USP10: variants seen among roughly 807,000 people sequenced by gnomAD.
USP10 encodes the protein ubiquitin carboxyl-terminal hydrolase 10.
A neutral mutation model predicts 84.5 loss-of-function variants in USP10; 22 were observed. The ratio of observed to expected loss-of-function variants is 0.26; its 90% CI spans 0.19 to 0.37. The LOEUF (loss-of-function observed/expected upper bound fraction) is 0.37. Among genes scored for constraint, USP10 ranks in the 10% least tolerant of loss-of-function variants. The pLI is 1.00. For missense variants in USP10, 1,019 were observed against 998.9 expected (o/e 1.02, Z -0.27); for synonymous variants, 454 against 387.6 (o/e 1.17, Z -2.01).
intron 3 of USP10, among the ~76,000 whole-genome samples, chr16:84,744,163 G>C (rs963025749): frequency 6.6e-6 from 1 of 151,320 alleles, no homozygotes; most frequent in Non-Finnish European, 1.5e-5. Flanking sequence ...CGTAGTTCAT[G>C]TTTTTGGAAT....
At chr16:84,741,252 T>C (rs1322487144) in intron 3 of USP10, among the ~76,000 whole-genome samples, 1 of 152,234 alleles carries the variant, frequency 6.6e-6, no homozygotes, top group African/African-American at 2.4e-5. Context: ...TTTAGATTTA[T>C]AAGAAATGTG....
At chr16:84,701,005 C>A (rs1904797530) in intron 1 of USP10, among the ~76,000 whole-genome samples, 1 of 152,070 alleles carries the variant, frequency 6.6e-6, no homozygotes, top group African/African-American at 2.4e-5. Flanking sequence ...TTGTTGACAT[C>A]TGGTCCCTAT....
intron 4 of USP10, among the ~76,000 whole-genome samples, chr16:84,749,383 TCTAA>T (rs565832411): frequency 3.6e-4 from 55 of 152,306 alleles, no homozygotes; most frequent in East Asian, 7.7e-4. Context: ...TGCATTAGTA[TCTAA>T]CTGTTTCTAC....
Position 84,700,106 on chromosome 16 carries a change from C to G in USP10, c.16C>G (p.Pro6Ala). ...ACGGGCAGCCATGGCCCTCCACAGC[C>G]CGCAGGTAGCCGCCGGTCTGCGCCT... is the stretch of plus-strand genomic sequence containing the variant. MALHS[P>A]QYIFGDFSPD... Residue 6 changes from proline (P) to alanine (A), a missense_variant, in exon 1 of 14, where the codon CCG becomes GCG. By Grantham distance (27) the Pro-to-Ala change is conservative. This residue lies in a region of USP10 where 787 missense variants were observed against 708.8 expected (regional missense o/e 1.11). Coordinates refer to ENST00000219473, the MANE Select transcript of USP10 (RefSeq NM_005153.3). The G allele has an allele frequency of 3.0e-6, 4 of 1,353,010 alleles. No homozygotes were observed. The highest frequency in any genetic ancestry group is 3.9e-6 in the Non-Finnish European group (4 of 1,031,420). 83.8% of individuals were successfully genotyped at this position (1,353,010 alleles called of 1,614,324 possible).
At chr16:84,754,437 G>A (rs1431459377) in intron 4 of USP10, among the ~76,000 whole-genome samples, 2 of 152,178 alleles carry the variant, frequency 1.3e-5, no homozygotes, top group African/African-American at 4.8e-5. Flanking sequence ...TCAAAGGCTT[G>A]AAGGAAAGCT....
At chr16:84,746,086 A>G (rs1911191229) in intron 4 of USP10, among the ~76,000 whole-genome samples, 1 of 151,930 alleles carries the variant, frequency 6.6e-6, no homozygotes, top group African/African-American at 2.4e-5. Context: ...ATTTTGTGAA[A>G]TAACATGGTT....
intron 1 of USP10, among the ~76,000 whole-genome samples, chr16:84,703,422 T>G (rs1370201627): frequency 1.3e-5 from 2 of 152,238 alleles, no homozygotes; most frequent in African/African-American, 4.8e-5. Context: ...AGTCTCTTTT[T>G]TAGCTTGTAA....
chr16:84,751,238 A>G (rs1002373977), intron 4 of USP10, among the ~76,000 whole-genome samples: 53 of 152,350 alleles, frequency 3.5e-4, no homozygotes, highest in African/African-American at 1.3e-3. Context: ...TGGCTATACC[A>G]TCTAGGCATG....
At chr16:84,734,135 C>G (rs1282708807) in intron 2 of USP10, among the ~76,000 whole-genome samples, 1 of 152,168 alleles carries the variant, frequency 6.6e-6, no homozygotes, top group Non-Finnish European at 1.5e-5. Flanking sequence ...GGACACAGAC[C>G]TGGGAATGGA....
At chr16:84,732,534 C>A in intron 1 of USP10, 1 of 375,916 alleles carries the variant, frequency 2.7e-6, no homozygotes, top group Non-Finnish European at 5.2e-6. Flanking sequence ...GCAACCTCGG[C>A]CTCCCTGGTT....
At chr16:84,715,806 A>AT (rs1429349137) in intron 1 of USP10, among the ~76,000 whole-genome samples, 9 of 151,748 alleles carry the variant, frequency 5.9e-5, no homozygotes, top group Admixed American at 2.6e-4. Context: ...GCTTCTTTTC[A>AT]TTTTTTCACT....
intron 4 of USP10, among the ~76,000 whole-genome samples, chr16:84,755,620 A>T (rs1855197493): frequency 6.6e-6 from 1 of 152,060 alleles, no homozygotes; most frequent in Admixed American, 6.5e-5. Context: ...TGGGTAATAG[A>T]GCAAGATCCT....
intron 1 of USP10, among the ~76,000 whole-genome samples, chr16:84,731,393 GTTTA>G (rs1313492445): frequency 6.6e-6 from 1 of 151,734 alleles, no homozygotes; most frequent in Non-Finnish European, 1.5e-5. Context: ...CATGATTTTA[GTTTA>G]TTTATTCTTA....
At chr16:84,770,985 A>G (rs574695538) in intron 11 of USP10, among the ~76,000 whole-genome samples, 22 of 151,084 alleles carry the variant, frequency 1.5e-4, no homozygotes, top group Non-Finnish European at 2.9e-4. Flanking sequence ...TGAACCCTGG[A>G]GGTGGAGGTT....
intron 4 of USP10, among the ~76,000 whole-genome samples, chr16:84,755,321 CCTT>C (rs1182095974): frequency 1.3e-5 from 2 of 151,894 alleles, no homozygotes; most frequent in African/African-American, 2.4e-5. Context: ...CTGTTTCACT[CCTT>C]CTCCCACCCA....
intron 2 of USP10, among the ~76,000 whole-genome samples, chr16:84,739,234 A>G (rs1283555292): frequency 7.0e-6 from 1 of 142,324 alleles, no homozygotes; most frequent in African/African-American, 2.6e-5. Flanking sequence ...AATTTTTTGT[A>G]TTTTTTAGTA....
At chr16:84,710,392 C>T (rs28559797) in intron 1 of USP10, among the ~76,000 whole-genome samples, 139 of 152,182 alleles carry the variant, frequency 9.1e-4, no homozygotes, top group African/African-American at 3.3e-3. Flanking sequence ...ACTCTACTCT[C>T]TGCTCATTTT....
intron 11 of USP10, among the ~76,000 whole-genome samples, chr16:84,770,062 TCACGC>T (rs1291443881): frequency 6.6e-6 from 1 of 152,054 alleles, no homozygotes; most frequent in Non-Finnish European, 1.5e-5. Flanking sequence ...TGAGCTATGA[TCACGC>T]CACTGCACTC....
chr16:84,712,963 A>G (rs974654652), intron 1 of USP10, among the ~76,000 whole-genome samples: 1 of 152,222 alleles, frequency 6.6e-6, no homozygotes, highest in Admixed American at 6.5e-5. Flanking sequence ...AAGCTCTTCC[A>G]GGATTGTTAG....
Sources: allele counts gnomAD v4.1 joint callset (sites outside exome capture counted in the v4.1 genomes callset), GRCh38; gene constraint gnomAD v4.1.1; regional missense constraint gnomAD v4.1.1; transcripts MANE v1.5; gene names NCBI Gene and HGNC (gene_info 2026-07-23, HGNC 2026-07-21).